The following COX4I2 variants were observed in gnomAD, a reference collection of about 807,000 sequenced individuals.
The protein encoded by COX4I2 is cytochrome c oxidase subunit 4 isoform 2, mitochondrial.
A neutral mutation model predicts 20.8 loss-of-function variants in COX4I2; 15 were observed. The ratio of observed to expected loss-of-function variants is 0.72; its 90% confidence interval spans 0.48 to 1.11. The LOEUF is 1.11. Ranked by LOEUF, COX4I2 falls within the 50% of genes most tolerant of loss-of-function variation. COX4I2 has a pLI of 0.00. For missense variants in COX4I2, 224 were observed against 223.0 expected, an observed-to-expected ratio of 1.00 and a Z score of -0.03; for synonymous variants, 80 against 78.1, an observed-to-expected ratio of 1.02 and a Z score of -0.13.
chr20:31,638,254 A>C (rs1403888293), intron 1 of COX4I2, among the ~76,000 whole-genome samples: 3 of 149,392 alleles, frequency 2.0e-5, no homozygotes, highest in African/African-American at 7.4e-5. Flanking sequence ...GCCCCCTCCC[A>C]CTTATCACCT....
Position 31,638,555 on chromosome 20 carries a change from A to G in COX4I2, c.1-463A>G, listed in dbSNP as rs191476625. Among the ~76,000 whole-genome samples the G allele has an allele frequency of 1.0e-3, 156 of 151,838 alleles. 1 individual carries two copies. In the Middle Eastern group the frequency reaches 0.017, roughly 17 times the overall value. On this transcript the variant is annotated intron_variant, in intron 1 of 4. Coordinates refer to ENST00000376075, the MANE Select transcript of COX4I2 (RefSeq NM_032609.3). ...TTAGGGGGGAAGGGGTGGGGGCCAGACCGTCTGTCTGTTCTGCCGGTGCAG... is the reference window on the plus strand; with the variant it reads ...TTAGGGGGGAAGGGGTGGGGGCCAGGCCGTCTGTCTGTTCTGCCGGTGCAG...
chr20:31,643,244 C>T (rs982071190), intron 3 of COX4I2, among the ~76,000 whole-genome samples, 160 bp from the exon 4 acceptor site: 3 of 152,230 alleles, frequency 2.0e-5, no homozygotes, highest in African/African-American at 4.8e-5. Context: ...TTTCATCTGG[C>T]TCATTCACTG....
At chr20:31,644,039 G>A (rs530249337) in intron 4 of COX4I2, among the ~76,000 whole-genome samples, 54 of 152,270 alleles carry the variant, frequency 3.5e-4, no homozygotes, top group Non-Finnish European at 6.0e-4. Context: ...TCAAACTCCT[G>A]ACCTCAAGTG....
chr20:31,642,294 C>T (rs774786201), intron 3 of COX4I2, among the ~76,000 whole-genome samples: 5 of 152,128 alleles, frequency 3.3e-5, no homozygotes, highest in African/African-American at 4.8e-5. Flanking sequence ...CAGCCTGAAC[C>T]GCCCACCCAA....
intron 3 of COX4I2, among the ~76,000 whole-genome samples, chr20:31,641,799 C>G (rs912638524): frequency 6.6e-6 from 1 of 152,014 alleles, no homozygotes; most frequent in African/African-American, 2.4e-5. Context: ...CTCCTGGGCT[C>G]AAGCGATCCT....
chr20:31,640,430 G>A (rs1254377228), intron 3 of COX4I2, among the ~76,000 whole-genome samples: 1 of 152,184 alleles, frequency 6.6e-6, no homozygotes, highest in African/African-American at 2.4e-5. Context: ...CAAGGACTGT[G>A]AGATGAAATC....
Position 31,643,465 on chromosome 20 carries a change from G to T in COX4I2, c.309G>T (p.Lys103Asn). 6.2e-7 allele frequency: 1 copy of T among 1,614,132 alleles called. No homozygotes were observed. Among genetic ancestry groups the T allele is most frequent in the Non-Finnish European group, 8.5e-7 (1 of 1,180,030 alleles). The change falls in exon 4 of 5, where the codon AAG becomes AAT. Residue 103 changes from lysine to asparagine, a missense_variant. By Grantham distance (94) the Lys-to-Asn change is moderately conservative. Coordinates refer to ENST00000376075, the MANE Select transcript of COX4I2 (RefSeq NM_032609.3). The part of the protein sequence containing the change: ...AEMNRRSNEW[K>N]TVMGCVFFFI... ...TGAACCGTCGCTCCAATGAGTGGAAGACAGTGATGGGTTGTGTCTTCTTCT... is the reference window on the plus strand; with the variant it reads ...TGAACCGTCGCTCCAATGAGTGGAATACAGTGATGGGTTGTGTCTTCTTCT...
intron 4 of COX4I2, among the ~76,000 whole-genome samples, chr20:31,643,750 T>C (rs1255804176): frequency 1.3e-5 from 2 of 152,186 alleles, no homozygotes; most frequent in Non-Finnish European, 2.9e-5. Context: ...AAAATGGGAA[T>C]AGTAATGTTC....
rs533559519 is a variant in COX4I2, at chr20:31,639,916, C to T, written c.83-17C>T. 12 of 1,613,890 alleles carry T rather than the reference C, an allele frequency of 7.4e-6. No individual in the cohort carries two copies. In the African/African-American group the frequency reaches 8.0e-5, roughly 11 times the overall value. ...CCAAGGGCAGCCTGGACTCAGCTCC[C>T]TCCATTGTGTCTGCAGCCCGTGGTG... On this transcript the variant is annotated splice_polypyrimidine_tract_variant and intron_variant, in intron 2 of 4. Coordinates refer to ENST00000376075, the MANE Select transcript of COX4I2 (RefSeq NM_032609.3).
Position 31,644,851 on chromosome 20 carries a change from G to T in COX4I2, c.463G>T (p.Val155Leu). Residue 155 changes from valine to leucine, a missense_variant, in exon 5 of 5, where the codon GTG becomes TTG. Val to Leu is a conservative substitution (Grantham distance 32). Coordinates refer to ENST00000376075, the MANE Select transcript of COX4I2 (RefSeq NM_032609.3). ...CATGCTGGACATGAAGGTGAATCCT[G>T]TGCAGGGCCTGGCCTCCCGCTGGGA... ...QRMLDMKVNP[V>L]QGLASRWDYE... 6.2e-7 allele frequency: 1 copy of T among 1,614,076 alleles called. No individual in the cohort carries two copies. Among genetic ancestry groups the T allele is most frequent in the Non-Finnish European group, 8.5e-7 (1 of 1,180,028 alleles).
At chr20:31,641,850 G>A (rs887381956) in intron 3 of COX4I2, among the ~76,000 whole-genome samples, 8 of 149,444 alleles carry the variant, frequency 5.4e-5, no homozygotes, top group Admixed American at 1.3e-4. Context: ...ACAGGCGGGC[G>A]CCACCACACC....
intron 3 of COX4I2, among the ~76,000 whole-genome samples, chr20:31,641,049 G>T (rs1162498219): frequency 6.6e-6 from 1 of 151,688 alleles, no homozygotes; most frequent in African/African-American, 2.4e-5. Context: ...GGGGAGAGGG[G>T]AGGAATAGCA....
At chr20:31,643,319 C>T (rs565969011) in intron 3 of COX4I2, 85 bp from the exon 4 acceptor site, 148 of 1,532,580 alleles carry the variant, frequency 9.7e-5, no homozygotes, top group Non-Finnish European at 1.2e-4. Flanking sequence ...GCTGAATGAA[C>T]AGCATCTGCT....
intron 2 of COX4I2, among the ~76,000 whole-genome samples, chr20:31,639,522 G>A (rs2060454283): frequency 6.6e-6 from 1 of 150,444 alleles, no homozygotes; most frequent in South Asian, 2.1e-4. Flanking sequence ...AACATTTATT[G>A]AGCCCTTACT....
In COX4I2 at chr20:31,639,558, C is replaced by CT. The variant is rs770616004; in HGVS notation, c.83-360dup. On this transcript the variant is annotated intron_variant, in intron 2 of 4. Transcript: ENST00000376075. ...AGTACCCCAAGCTATTATAAACCTCCTTTTTTTTTTTTTTTGAGATAGAGT... is the reference window on the plus strand; with the variant it reads ...AGTACCCCAAGCTATTATAAACCTCCTTTTTTTTTTTTTTTTGAGATAGAGT... 7.8e-3 allele frequency among the ~76,000 whole-genome samples: 1,043 copies of CT among 133,094 alleles called. 13 individuals are homozygous for CT. Among genetic ancestry groups the CT allele is most frequent in the East Asian group, 0.052 (258 of 4,924 alleles). The allele number at this position is 133,094 out of a possible 152,430, so 87.3% of individuals were successfully genotyped here.
intron 1 of COX4I2, 44 bp from the exon 2 acceptor site, chr20:31,638,974 G>T: frequency 6.4e-7 from 1 of 1,568,040 alleles, no homozygotes; most frequent in South Asian, 1.2e-5. Context: ...TGGGGGCAGA[G>T]GGTGATGTGG....
chr20:31,638,703 T>G (rs1002735916), intron 1 of COX4I2, among the ~76,000 whole-genome samples: 1 of 152,070 alleles, frequency 6.6e-6, no homozygotes, highest in East Asian at 1.9e-4. Flanking sequence ...CAGACTGAGC[T>G]GGGGCTGGCA....
intron 3 of COX4I2, among the ~76,000 whole-genome samples, chr20:31,642,715 G>GCGTGAGCCA (rs1167652485): frequency 6.6e-6 from 1 of 152,080 alleles, no homozygotes; most frequent in East Asian, 1.9e-4. Context: ...GGGATTACAG[G>GCGTGAGCCA]CGTGAGCCAC....
chr20:31,643,594 AC>A, intron 4 of COX4I2, 59 bp downstream of exon 4: 1 of 1,602,650 alleles, frequency 6.2e-7, no homozygotes, highest in Non-Finnish European at 8.5e-7. Context: ...GGTCACGGCC[AC>A]CAGACAGTTT....
Sources: gnomAD v4.1 joint callset for allele counts (sites outside exome capture counted in the v4.1 genomes callset) on GRCh38, gnomAD v4.1.1 for gene constraint, MANE v1.5 for transcripts, NCBI Gene and HGNC (gene_info 2026-07-23, HGNC 2026-07-21) for gene names.